EFCAB8: variants seen among roughly 807,000 people sequenced by gnomAD.
The protein encoded by EFCAB8 is EF-hand calcium-binding domain-containing protein 8.
A neutral mutation model predicts 116.3 loss-of-function variants in EFCAB8; 100 were observed. That is an observed-to-expected ratio of 0.86 (90% CI 0.73 to 1.02). The LOEUF (loss-of-function observed/expected upper bound fraction) is 1.02. Among genes scored for constraint, EFCAB8 ranks in the 50% least tolerant of loss-of-function variants. The probability of loss-of-function intolerance (pLI) is 0.00; values close to 1 mark genes in which losing one functional copy is unlikely to be tolerated. For synonymous variants in EFCAB8, 558 were observed against 567.9 expected (o/e 0.98, Z 0.25); for missense variants, 1,320 against 1,416.9 (o/e 0.93, Z 1.10).
At chr20:32,935,214 T>TTTTTTTTTTTTTTTTTTTTTTTTTTC (rs1988068312) in intron 22 of EFCAB8, among the ~76,000 whole-genome samples, 1 of 136,086 alleles carries the variant, frequency 7.3e-6, no homozygotes, top group Non-Finnish European at 1.5e-5. Context: ...TTTTTTTTTT[T>TTTTTTTTTTTTTTTTTTTTTTTTTTC]TTTGAGATGG....
In EFCAB8 at chr20:32,959,789, A is replaced by T. The variant is rs1600475432; in HGVS notation, c.3101A>T (p.Asp1034Val). 1 of 1,496,462 alleles carries T rather than the reference A, an allele frequency of 6.7e-7. No homozygotes were observed. 92.7% of individuals were successfully genotyped at this position (1,496,462 alleles called of 1,614,324 possible). ...AGCCCCCACACTAGGGAGCAGCGGG[A>T]TCTGGCTGAGGCCCTGATATACCAG... ...VLHLELQEQR[D>V]LAEALIYQRR... The change falls in exon 25 of 27, where the codon GAT becomes GTT. Residue 1034 changes from aspartate to valine, a missense_variant. By Grantham distance (152) the Asp-to-Val change is radical. Transcript: ENST00000400522.
At chr20:32,898,115 G>T (rs1488764923) in intron 10 of EFCAB8, among the ~76,000 whole-genome samples, 1 of 152,186 alleles carries the variant, frequency 6.6e-6, no homozygotes, top group African/African-American at 2.4e-5. Flanking sequence ...CAGTGGGCTG[G>T]GAGCACAGCC....
intron 26 of EFCAB8, 50 bp from the exon 27 acceptor site, chr20:32,961,086 C>T (rs756195164): frequency 6.7e-7 from 1 of 1,490,850 alleles, no homozygotes; most frequent in Non-Finnish European, 9.2e-7. Flanking sequence ...CCTGGGTGTC[C>T]CCGGCTCCAA....
intron 8 of EFCAB8, among the ~76,000 whole-genome samples, chr20:32,892,934 G>A (rs998768474): frequency 3.6e-4 from 55 of 151,148 alleles, no homozygotes; most frequent in African/African-American, 1.2e-3. Flanking sequence ...TCCACCTGCC[G>A]GGTTCAAGTG....
chr20:32,881,153 A>G (rs1029704258), intron 5 of EFCAB8, among the ~76,000 whole-genome samples: 2 of 152,156 alleles, frequency 1.3e-5, no homozygotes, highest in South Asian at 2.1e-4. Flanking sequence ...TAAACCTCTC[A>G]GGCATCTGGA....
At position 32,920,103 on chromosome 20, in the gene EFCAB8, C is replaced by G. The variant is rs890089236; in HGVS notation, c.2300C>G (p.Ser767Cys). The G allele has an allele frequency of 1.9e-6, 3 of 1,551,600 alleles. No homozygotes were observed. The highest frequency in any genetic ancestry group is 2.7e-5 in the African/African-American group (2 of 73,046). ...QQKPSSASGTSRQSSKIHSKQ... is the reference protein window; with the variant it reads ...QQKPSSASGTCRQSSKIHSKQ... Reference sequence around the variant, plus strand: ...AAACCTTCCAGTGCTTCTGGCACATCCAGGCAGTCAAGCAAGATCCACAGC... The same window carrying G: ...AAACCTTCCAGTGCTTCTGGCACATGCAGGCAGTCAAGCAAGATCCACAGC... Residue 767 changes from serine to cysteine, a missense_variant, in exon 20 of 27, where the codon TCC becomes TGC. Ser to Cys is a moderately radical substitution (Grantham distance 112). Coordinates refer to ENST00000400522, the MANE Select transcript of EFCAB8 (RefSeq NM_001143967.2).
intron 22 of EFCAB8, among the ~76,000 whole-genome samples, chr20:32,932,237 T>C (rs1312551505): frequency 6.6e-6 from 1 of 152,010 alleles, no homozygotes; most frequent in Non-Finnish European, 1.5e-5. Flanking sequence ...ATCAGCTGGG[T>C]GTGGCGGTGC....
intron 2 of EFCAB8, among the ~76,000 whole-genome samples, chr20:32,866,174 C>T (rs1175957133): frequency 6.6e-6 from 1 of 152,156 alleles, no homozygotes; most frequent in Non-Finnish European, 1.5e-5. Context: ...GCCTAGCACT[C>T]AGTCAATGTG....
At chr20:32,943,939 A>G (rs1988493747) in intron 23 of EFCAB8, 135 bp downstream of exon 23, 1 of 402,854 alleles carries the variant, frequency 2.5e-6, no homozygotes, top group East Asian at 3.6e-5. Flanking sequence ...CACTTAAATA[A>G]TATTACAGTC....
intron 17 of EFCAB8, 167 bp from the exon 18 acceptor site, chr20:32,917,134 C>T (rs546025061): frequency 1.6e-5 from 10 of 607,648 alleles, no homozygotes; most frequent in Admixed American, 1.2e-4. Flanking sequence ...ATGTAGTAAG[C>T]GCTTAGTAAA....
intron 23 of EFCAB8, among the ~76,000 whole-genome samples, chr20:32,948,572 G>GAAAGA (rs1415956055): frequency 7.2e-6 from 1 of 139,510 alleles, no homozygotes; most frequent in African/African-American, 2.8e-5. Flanking sequence ...AAGAAAGAAA[G>GAAAGA]AAAGAAAGAA....
At chr20:32,917,260 G>A (rs1987231673) in intron 17 of EFCAB8, 41 bp from the exon 18 acceptor site, 1 of 1,467,020 alleles carries the variant, frequency 6.8e-7, no homozygotes, top group South Asian at 1.3e-5. Context: ...GAGCATTACA[G>A]GCTGAGCTCT....
chr20:32,908,999 A>AG (rs1348684521), intron 14 of EFCAB8, among the ~76,000 whole-genome samples: 1 of 152,138 alleles, frequency 6.6e-6, no homozygotes, highest in Non-Finnish European at 1.5e-5. Context: ...GATGGGGGTA[A>AG]GGGGGCCCAC....
Position 32,871,835 on chromosome 20 carries a change from G to T in EFCAB8, c.208+4088G>T, listed in dbSNP as rs1255847362. On this transcript the variant is annotated intron_variant, in intron 3 of 26. Coordinates refer to ENST00000400522, the MANE Select transcript of EFCAB8 (RefSeq NM_001143967.2). ...TTCCCTTTTCCTAGCTTCAGTCCAG[G>T]TTGTGCCAGATCTTTGAGGGAAGTC... Among the ~76,000 whole-genome samples, 6 of 152,142 alleles carry T rather than the reference G, an allele frequency of 3.9e-5. No homozygotes were observed. In the East Asian group the frequency reaches 1.2e-3, roughly 29 times the overall value.
chr20:32,862,596 A>T (rs1478134906), intron 1 of EFCAB8, among the ~76,000 whole-genome samples: 8 of 152,048 alleles, frequency 5.3e-5, no homozygotes, highest in Admixed American at 5.2e-4. Context: ...GGTACCGTTC[A>T]GTCTTCTCCC....
Position 32,958,421 on chromosome 20 carries a change from G to A in EFCAB8, c.2960G>A (p.Gly987Glu), listed in dbSNP as rs111918410. The A allele has an allele frequency of 4.6e-5, 19 of 416,910 alleles. No homozygotes were observed. Among genetic ancestry groups the A allele is most frequent in the Middle Eastern group, 3.1e-4 (1 of 3,224 alleles). 25.8% of individuals were successfully genotyped at this position (416,910 alleles called of 1,614,324 possible). A position where few individuals can be genotyped will look rare whatever the true frequency, so the allele number is the denominator to read the frequency against. ...KAWKLSGDAI[G>E]TFGLSVWKRL... is the part of the protein sequence containing the mutation. ...TCTGAGCAGTCTGGTCAAATCACAGGAACGTTTGGCCTGAGTGTGTGGAAA... is the reference window on the plus strand; with the variant it reads ...TCTGAGCAGTCTGGTCAAATCACAGAAACGTTTGGCCTGAGTGTGTGGAAA... Residue 987 changes from glycine to glutamate, a missense_variant and splice_region_variant, in exon 24 of 27, where the codon GGA becomes GAA. By Grantham distance (98) the Gly-to-Glu change is moderately conservative. Coordinates refer to ENST00000400522, the MANE Select transcript of EFCAB8 (RefSeq NM_001143967.2).
At chr20:32,880,307 T>C (rs13038881) in intron 5 of EFCAB8, among the ~76,000 whole-genome samples, 62,729 of 150,982 alleles carry the variant, frequency 0.42, 15,227 homozygotes, top group Non-Finnish European at 0.55. Flanking sequence ...CTCACTCAGT[T>C]GCCCAGGTTG....
In EFCAB8 at chr20:32,935,188, C is replaced by CTTTTTTTTT. The variant is rs754022404; in HGVS notation, c.2790+3855_2790+3856insTTTTTTTTT. Among the ~76,000 whole-genome samples, 85 of 66,872 alleles carry CTTTTTTTTT rather than the reference C, an allele frequency of 1.3e-3. 1 individual carries two copies. The highest frequency in any genetic ancestry group is 1.5e-3 in the African/African-American group (20 of 12,964). 43.9% of individuals were successfully genotyped at this position (66,872 alleles called of 152,430 possible). On this transcript the variant is annotated intron_variant, in intron 22 of 26. Coordinates refer to ENST00000400522, the MANE Select transcript of EFCAB8 (RefSeq NM_001143967.2). ...TCTCTTCTCTTTTCTTTCTTTCTTTCTTTCTTTTTTTTTTTTTTTTTTTTT... is the reference window on the plus strand; with the variant it reads ...TCTCTTCTCTTTTCTTTCTTTCTTTCTTTTTTTTTTTTCTTTTTTTTTTTTTTTTTTTTT...
intron 9 of EFCAB8, among the ~76,000 whole-genome samples, chr20:32,894,137 C>T (rs986891569): frequency 6.6e-6 from 1 of 152,204 alleles, no homozygotes; most frequent in Non-Finnish European, 1.5e-5. Flanking sequence ...TCCAGCCTTG[C>T]ATGCACAGTG....
Sources: allele counts gnomAD v4.1 joint callset (sites outside exome capture counted in the v4.1 genomes callset), GRCh38; gene constraint gnomAD v4.1.1; transcripts MANE v1.5; gene names NCBI Gene and HGNC (gene_info 2026-07-23, HGNC 2026-07-21).